MLPH: variants seen among roughly 807,000 people sequenced by gnomAD.
MLPH encodes melanophilin, also known as exophilin-3.
A neutral mutation model predicts 72.1 loss-of-function variants in MLPH; 51 were observed. That is an observed-to-expected ratio of 0.71 (90% CI 0.56 to 0.89). MLPH has a LOEUF of 0.89. Among genes scored for constraint, MLPH ranks in the 40% least tolerant of loss-of-function variants. The pLI is 0.00. For missense variants in MLPH, 743 were observed against 759.9 expected, an observed-to-expected ratio of 0.98 and a Z score of 0.26; for synonymous variants, 301 against 310.1, an observed-to-expected ratio of 0.97 and a Z score of 0.31.
rs530563450 is a variant in MLPH, at chr2:237,541,504, G to A, written c.1446+547G>A. ...GAGGAGAGGGGGTGCCTCTCGGACT[G>A]TGAGGACAGCCAGCCCCCACGGCCC... On this transcript the variant is annotated intron_variant, in intron 11 of 15. Coordinates refer to ENST00000264605, the MANE Select transcript of MLPH (RefSeq NM_024101.7). This position sits in a 1 kb window ranked among gnomAD's most constrained non-coding sequence, Gnocchi z 5.1. 3.7e-4 allele frequency among the ~76,000 whole-genome samples: 56 copies of A among 152,318 alleles called. No homozygotes were observed. Among genetic ancestry groups the A allele is most frequent in the South Asian group, 8.3e-4 (4 of 4,822 alleles).
Position 237,549,099 on chromosome 2 carries a change from A to G in MLPH, c.1618-122A>G. 12 of 818,754 alleles carry G rather than the reference A, an allele frequency of 1.5e-5. No individual in the cohort carries two copies. In the South Asian group the frequency reaches 1.7e-4, roughly 12 times the overall value. 50.7% of individuals were successfully genotyped at this position (818,754 alleles called of 1,614,324 possible). A position where few individuals can be genotyped will look rare whatever the true frequency, so the allele number is the denominator to read the frequency against. ...TTGCTAAAAGTTCAAATATTGCTAGAGAGCAGAAAATAGTGGCCATGGTTA... is the reference window on the plus strand; with the variant it reads ...TTGCTAAAAGTTCAAATATTGCTAGGGAGCAGAAAATAGTGGCCATGGTTA... On this transcript the variant is annotated intron_variant, in intron 13 of 15. Transcript: ENST00000264605.
chr2:237,511,674 A>G (rs983891501), intron 4 of MLPH: 28 of 154,278 alleles, frequency 1.8e-4, no homozygotes, highest in Admixed American at 7.0e-4. Context: ...CTCTCTTTTC[A>G]ACAAACATTT....
intron 5 of MLPH, among the ~76,000 whole-genome samples, chr2:237,519,269 T>C (rs1291296544): frequency 6.6e-6 from 1 of 151,852 alleles, no homozygotes; most frequent in Non-Finnish European, 1.5e-5. Context: ...TGGAGAGAAA[T>C]GGGCCAGTGA....
chr2:237,529,576 C>T (rs1574878663), intron 8 of MLPH, among the ~76,000 whole-genome samples: 1 of 152,182 alleles, frequency 6.6e-6, no homozygotes, highest in Non-Finnish European at 1.5e-5. Flanking sequence ...CTTCTGAGAA[C>T]ATCATGACCA....
chr2:237,535,937 C>A (rs559283461), intron 9 of MLPH, among the ~76,000 whole-genome samples: 18 of 152,210 alleles, frequency 1.2e-4, no homozygotes, highest in Non-Finnish European at 2.6e-4. Flanking sequence ...CTTTCCCAAT[C>A]GTCTACAGAG....
At chr2:237,525,549 C>T (rs867424499) in intron 6 of MLPH, 52 bp from the exon 7 acceptor site, 18 of 1,581,596 alleles carry the variant, frequency 1.1e-5, no homozygotes, top group Middle Eastern at 1.7e-4. Flanking sequence ...TTCCAGGCAG[C>T]GGCCCCTCCT....
rs1273222854 is a variant in MLPH at position 237,541,894 on chromosome 2, A to C, written c.1447-673A>C. On this transcript the variant is annotated intron_variant, in intron 11 of 15. Transcript: ENST00000264605. This position sits in a 1 kb window ranked among gnomAD's most constrained non-coding sequence, Gnocchi z 5.1. ...TTGAGATAAGGCAGTCAGGAGGGAT[A>C]CTAGGAAAGTAAGCCAGCCTGGCAA... Among the ~76,000 whole-genome samples, 1 of 152,260 alleles carries C rather than the reference A, an allele frequency of 6.6e-6. No homozygotes were observed. Among genetic ancestry groups the C allele is most frequent in the Non-Finnish European group, 1.5e-5 (1 of 68,048 alleles).
At chr2:237,526,299 C>T (rs7598035) in intron 7 of MLPH, among the ~76,000 whole-genome samples, 25,266 of 151,994 alleles carry the variant, frequency 0.17, 2,303 homozygotes, top group African/African-American at 0.23. Context: ...TCTGGTACCC[C>T]AAGGGTGTAT....
At chr2:237,524,909 G>T (rs781420494) in intron 6 of MLPH, among the ~76,000 whole-genome samples, 1 of 152,214 alleles carries the variant, frequency 6.6e-6, no homozygotes, top group African/African-American at 2.4e-5. Context: ...TCCAGGAGGA[G>T]GGGGAAGCAG....
At chr2:237,508,358 T>A (rs1365671392) in intron 2 of MLPH, among the ~76,000 whole-genome samples, 2 of 152,104 alleles carry the variant, frequency 1.3e-5, no homozygotes, top group Non-Finnish European at 2.9e-5. Context: ...GTGATCCACC[T>A]TCCTCAGCCT....
intron 13 of MLPH, 26 bp downstream of exon 13, chr2:237,546,709 A>G (rs2080926127): frequency 3.1e-6 from 5 of 1,598,170 alleles, no homozygotes; most frequent in African/African-American, 2.7e-5. Context: ...TTCAAGCCCC[A>G]GACACCCGAC....
intron 4 of MLPH, chr2:237,511,462 G>T: frequency 3.4e-6 from 1 of 296,010 alleles, no homozygotes; most frequent in Non-Finnish European, 6.5e-6. Context: ...CCACTGGCCT[G>T]GTCTGAGCAC....
At position 237,525,865 on chromosome 2, in the gene MLPH, G is replaced by A. The variant is rs1486330387; in HGVS notation, c.880+60G>A. On this transcript the variant is annotated intron_variant, in intron 7 of 15. Transcript: ENST00000264605. The stretch of plus-strand genomic sequence containing the variant: ...TCGGCATGGGGGAGCAGGTCACTGA[G>A]GAACAACCCCACCACCCTGACCTAT... 8 of 1,515,974 alleles carry A rather than the reference G, an allele frequency of 5.3e-6. No homozygotes were observed. The African/African-American group carries it at 9.6e-5, about 18-fold the overall frequency. 93.9% of individuals were successfully genotyped at this position (1,515,974 alleles called of 1,614,324 possible).
At position 237,505,758 on chromosome 2, in the gene MLPH, G is replaced by A. The variant is rs1036957239; in HGVS notation, c.111-4816G>A. Among the ~76,000 whole-genome samples the A allele has an allele frequency of 1.3e-5, 2 of 152,108 alleles. No individual in the cohort carries two copies. The highest frequency in any genetic ancestry group is 2.9e-5 in the Non-Finnish European group (2 of 68,022). On this transcript the variant is annotated intron_variant, in intron 2 of 15. Coordinates refer to ENST00000264605, the MANE Select transcript of MLPH (RefSeq NM_024101.7). This position sits in a 1 kb window ranked among gnomAD's most constrained non-coding sequence, Gnocchi z 4.5. ...GAAGCGTTTTCCTTCCCTGGTATAC[G>A]CCCTTTCTTCAGAGGCTGCCGGGCC... is the stretch of plus-strand genomic sequence containing the variant.
At chr2:237,549,307 T>A (rs565978968) in intron 14 of MLPH, 29 bp downstream of exon 14, 1 of 1,603,078 alleles carries the variant, frequency 6.2e-7, no homozygotes, top group East Asian at 2.2e-5. Context: ...CCCACCCCCA[T>A]GGGCCTGGGA....
chr2:237,498,926 A>G (rs1312849888), intron 2 of MLPH, among the ~76,000 whole-genome samples: 1 of 152,166 alleles, frequency 6.6e-6, no homozygotes, highest in Non-Finnish European at 1.5e-5. Context: ...CCCGATCAGC[A>G]GCCCCTTCTC....
chr2:237,503,460 A>G (rs7565387), intron 2 of MLPH, among the ~76,000 whole-genome samples: 37,439 of 151,970 alleles, frequency 0.25, 8,067 homozygotes, highest in African/African-American at 0.58. Context: ...AATTCCCGAC[A>G]CGCGTTCCCA....
chr2:237,515,561 G>C (rs184844758), intron 4 of MLPH, among the ~76,000 whole-genome samples: 1 of 152,190 alleles, frequency 6.6e-6, no homozygotes, highest in Admixed American at 6.5e-5. Context: ...CCACGCGGTC[G>C]TTTCACATAA....
At position 237,510,668 on chromosome 2, in the gene MLPH, C is replaced by A. The variant is rs1281556029; in HGVS notation, c.205C>A (p.Gln69Lys). ...LNETHCARCLQPYQLLVNSKR... is the reference protein window; with the variant it reads ...LNETHCARCLKPYQLLVNSKR... ...CGAGACCCACTGCGCCCGCTGCCTG[C>A]AGCCCTACCAGCTGCTTGTGAATAG... is the stretch of plus-strand genomic sequence containing the variant. Residue 69 changes from glutamine (Q) to lysine (K), a missense_variant, in exon 3 of 16, where the codon CAG (glutamine) becomes AAG (lysine). Physicochemically the swap from Gln to Lys is moderately conservative, Grantham distance 53. Coordinates refer to ENST00000264605, the MANE Select transcript of MLPH (RefSeq NM_024101.7). This position sits in a 1 kb window ranked among gnomAD's most constrained non-coding sequence, Gnocchi z 4.4. 4 of 1,613,804 alleles carry A rather than the reference C, an allele frequency of 2.5e-6. No homozygotes were observed. The African/African-American group carries it at 5.3e-5, about 21-fold the overall frequency.
Sources: gnomAD v4.1 joint callset for allele counts (sites outside exome capture counted in the v4.1 genomes callset) on GRCh38, gnomAD v4.1.1 for gene constraint, Gnocchi (gnomAD v3.1) non-coding constraint, MANE v1.5 for transcripts, NCBI Gene and HGNC (gene_info 2026-07-23, HGNC 2026-07-21) for gene names.